The following CCSER1 variants were observed in gnomAD, a reference collection of about 807,000 sequenced individuals.
CCSER1 encodes serine-rich coiled-coil domain-containing protein 1.
In CCSER1, 41 loss-of-function variants were observed where a neutral mutation model predicts 82.0. The ratio of observed to expected loss-of-function variants is 0.50; its 90% CI spans 0.39 to 0.65. The LOEUF (loss-of-function observed/expected upper bound fraction) is 0.65. Among genes scored for constraint, CCSER1 ranks in the 30% least tolerant of loss-of-function variants. The probability of loss-of-function intolerance (pLI) is 0.00; values close to 1 mark genes in which losing one functional copy is unlikely to be tolerated. For synonymous variants in CCSER1, 414 were observed against 383.9 expected (o/e 1.08, Z -0.92); for missense variants, 1,119 against 1,064.2 (o/e 1.05, Z -0.72).
chr4:90,888,739 G>C (rs920122647), intron 8 of CCSER1, among the ~76,000 whole-genome samples: 5 of 152,112 alleles, frequency 3.3e-5, no homozygotes, highest in African/African-American at 1.2e-4. Context: ...GTTTTGAGAT[G>C]TAAGTAACAT....
intron 10 of CCSER1, among the ~76,000 whole-genome samples, chr4:91,403,847 C>T (rs1021138317): frequency 1.3e-5 from 2 of 152,142 alleles, no homozygotes; most frequent in East Asian, 3.9e-4. Flanking sequence ...GGATATTGGT[C>T]TAAAATTCTC....
intron 3 of CCSER1, among the ~76,000 whole-genome samples, chr4:90,381,067 G>A (rs2153531540): frequency 6.6e-6 from 1 of 152,338 alleles, no homozygotes; most frequent in South Asian, 2.1e-4. Context: ...AATGTAGCAA[G>A]AACAGAGGAA....
intron 10 of CCSER1, among the ~76,000 whole-genome samples, chr4:91,385,807 G>C (rs1210025001): frequency 6.6e-6 from 1 of 151,866 alleles, no homozygotes; most frequent in Non-Finnish European, 1.5e-5. Flanking sequence ...TGGAAGAAGG[G>C]AGATACAAAT....
chr4:91,338,753 A>G (rs1441808139), intron 10 of CCSER1, among the ~76,000 whole-genome samples: 1 of 152,168 alleles, frequency 6.6e-6, no homozygotes, highest in Non-Finnish European at 1.5e-5. Context: ...GCATTTCAGT[A>G]TCATGTGGGT....
At chr4:91,256,075 A>G (rs888636654) in intron 10 of CCSER1, among the ~76,000 whole-genome samples, 4 of 150,098 alleles carry the variant, frequency 2.7e-5, no homozygotes, top group East Asian at 3.9e-4. Flanking sequence ...ATATCGCTCA[A>G]TTCTTTCCCC....
At chr4:91,090,950 G>A (rs1213114977) in intron 10 of CCSER1, among the ~76,000 whole-genome samples, 1 of 152,088 alleles carries the variant, frequency 6.6e-6, no homozygotes, top group Non-Finnish European at 1.5e-5. Context: ...ATTCTTAAAG[G>A]TTGCAGCTTC....
intron 10 of CCSER1, among the ~76,000 whole-genome samples, chr4:91,376,667 C>A (rs1473042958): frequency 1.3e-5 from 2 of 152,006 alleles, no homozygotes; most frequent in Middle Eastern, 6.3e-3. Context: ...TGAAGTTTTT[C>A]CATTAATGGG....
chr4:90,700,016 C>T (rs141424203), intron 6 of CCSER1, among the ~76,000 whole-genome samples: 1 of 151,192 alleles, frequency 6.6e-6, no homozygotes, highest in East Asian at 2.0e-4. Context: ...ACTTTAAGTT[C>T]TAGGGTACAT....
At chr4:91,520,540 T>A (rs1246739337) in intron 10 of CCSER1, among the ~76,000 whole-genome samples, 1 of 152,192 alleles carries the variant, frequency 6.6e-6, no homozygotes. Flanking sequence ...AACTTACATA[T>A]GAAAAGAAAA....
chr4:91,391,611 G>A (rs1357143667), intron 10 of CCSER1, among the ~76,000 whole-genome samples: 2 of 152,088 alleles, frequency 1.3e-5, no homozygotes, highest in Non-Finnish European at 2.9e-5. Context: ...TCATCCATTT[G>A]TTACCTAGAG....
chr4:90,258,292 A>G (rs181479469), intron 1 of CCSER1, among the ~76,000 whole-genome samples: 1 of 152,296 alleles, frequency 6.6e-6, no homozygotes, highest in Non-Finnish European at 1.5e-5. Context: ...CGGCAGGTGG[A>G]TCATGAGGTC....
At chr4:90,851,538 G>T (rs976163116) in intron 8 of CCSER1, among the ~76,000 whole-genome samples, 1 of 149,730 alleles carries the variant, frequency 6.7e-6, no homozygotes, top group South Asian at 2.1e-4. Flanking sequence ...TGGAGACTAT[G>T]CACTTGAACC....
chr4:91,192,411 A>G (rs1735078112), intron 10 of CCSER1, among the ~76,000 whole-genome samples: 1 of 150,672 alleles, frequency 6.6e-6, no homozygotes, highest in South Asian at 2.1e-4. Context: ...CTTGCAGGAT[A>G]ACTCTGTCGA....
intron 5 of CCSER1, among the ~76,000 whole-genome samples, chr4:90,616,626 A>G (rs1050482326): frequency 6.8e-6 from 1 of 148,106 alleles, no homozygotes; most frequent in African/African-American, 2.5e-5. Flanking sequence ...CGGAGGTTGC[A>G]GTGAGCCAAG....
chr4:90,540,245 G>A (rs6858175), intron 5 of CCSER1, among the ~76,000 whole-genome samples: 66,065 of 151,956 alleles, frequency 0.43, 16,978 homozygotes, highest in African/African-American at 0.72. Context: ...GATTTTTCTA[G>A]TAAAATAAGT....
chr4:91,148,953 A>T (rs1265303957), intron 10 of CCSER1, among the ~76,000 whole-genome samples: 1 of 152,162 alleles, frequency 6.6e-6, no homozygotes. Flanking sequence ...ATACGTGTGC[A>T]TGTGTCTTTA....
chr4:91,319,743 C>T (rs1182235668), intron 10 of CCSER1: 4 of 455,324 alleles, frequency 8.8e-6, no homozygotes, highest in Non-Finnish European at 1.8e-5. Flanking sequence ...GGCAGAAGCA[C>T]CATTTGTTAA....
intron 9 of CCSER1, among the ~76,000 whole-genome samples, chr4:91,030,229 G>GA (rs969226416): frequency 7.9e-5 from 12 of 151,928 alleles, no homozygotes; most frequent in Middle Eastern, 3.4e-3. Flanking sequence ...ATATAATAGG[G>GA]AAAACCAAAG....
At chr4:90,978,148 A>G (rs536429157) in intron 9 of CCSER1, among the ~76,000 whole-genome samples, 1 of 151,808 alleles carries the variant, frequency 6.6e-6, no homozygotes, top group South Asian at 2.1e-4. Context: ...AACTAACAGC[A>G]AATGACCTAG....
Sources: gnomAD v4.1 joint callset for allele counts (sites outside exome capture counted in the v4.1 genomes callset) on GRCh38, gnomAD v4.1.1 for gene constraint, MANE v1.5 for transcripts, NCBI Gene and HGNC (gene_info 2026-07-23, HGNC 2026-07-21) for gene names.